Variants in UBR1 observed in about 807,000 individuals in gnomAD.
UBR1 encodes E3 ubiquitin-protein ligase UBR1.
UBR1 carries 102 observed loss-of-function variants against 242.1 expected under a neutral mutation model. The observed-to-expected ratio is 0.42, with a 90% CI of 0.36 to 0.50. The LOEUF is 0.50. Among genes scored for constraint, UBR1 ranks in the 20% least tolerant of loss-of-function variants. The pLI is 0.01. For synonymous variants in UBR1, 675 were observed against 684.8 expected (o/e 0.99, Z 0.22); for missense variants, 1,772 against 2,101.8 (o/e 0.84, Z 3.07).
chr15:43,022,922 G>A (rs781252372), intron 25 of UBR1, 121 bp from the exon 26 acceptor site: 3 of 598,656 alleles, frequency 5.0e-6, no homozygotes, highest in Non-Finnish European at 8.7e-6. Context: ...GAGTGCAGTG[G>A]GGCAATCCTA....
chr15:43,021,374 T>A lies in UBR1; in HGVS notation c.2841A>T (p.Arg947Ser), dbSNP rs767831257. The change falls in exon 27 of 47, where the codon AGA (arginine) becomes AGT (serine). Residue 947 changes from arginine to serine, a missense_variant and splice_region_variant. Around this residue, in one of 3 missense-constraint regions of UBR1, gnomAD observed 965 missense variants for 1,079.7 expected, o/e 0.89. Coordinates refer to ENST00000290650, the MANE Select transcript of UBR1 (RefSeq NM_174916.3). ...GTATATTCATGGCTGAACTTCCCAATCCTTTTTTAAAACACAAAATCACAC... is the reference window on the plus strand; with the variant it reads ...GTATATTCATGGCTGAACTTCCCAAACCTTTTTTAAAACACAAAATCACAC... ...VTFDFYHKAS[R>S]LGSSAMNIQM... 5 of 1,613,400 alleles carry A rather than the reference T, an allele frequency of 3.1e-6. No individual in the cohort carries two copies. Among genetic ancestry groups the A allele is most frequent in the Non-Finnish European group, 4.2e-6 (5 of 1,179,518 alleles).
chr15:42,986,666 T>G (rs2032464178), intron 35 of UBR1, among the ~76,000 whole-genome samples: 1 of 152,242 alleles, frequency 6.6e-6, no homozygotes. Context: ...TATAAACTGA[T>G]GTATTATCCT....
Position 43,007,245 on chromosome 15 carries a change from A to G in UBR1, c.3249T>C (p.Gly1083=). 1.2e-6 allele frequency: 2 copies of G among 1,614,120 alleles called. No individual in the cohort carries two copies. The highest frequency in any genetic ancestry group is 1.7e-6 in the Non-Finnish European group (2 of 1,180,016). Residue 1083 remains glycine, a synonymous_variant, in exon 30 of 47, where the codon GGT becomes GGC. Transcript: ENST00000290650. ...CAGTAACAGATGGACCCCGTTTAGGACCCAAAGCAATTCTAGAGTAGTCAC... is the reference window on the plus strand; with the variant it reads ...CAGTAACAGATGGACCCCGTTTAGGGCCCAAAGCAATTCTAGAGTAGTCAC... ...AVSDYSRIAL[G]PKRGPSVTEK... is the part of the protein sequence containing the mutation.
rs2033126645 is a variant in UBR1 at position 43,022,736 on chromosome 15, T to C, written c.2805A>G (p.Glu935=). The C allele has an allele frequency of 4.3e-6, 7 of 1,612,496 alleles. No homozygotes were observed. The highest frequency in any genetic ancestry group is 5.9e-6 in the Non-Finnish European group (7 of 1,179,074). ...TATGATAAAAGTCAAATGTTACTTC[T>C]TCTTCAGGAGCTTTTTGAAGCTGTT... The part of the protein sequence containing the change: ...EKQQLQKAPE[E]EVTFDFYHKA... The change falls in exon 26 of 47, where the codon GAA becomes GAG. Residue 935 remains glutamate (E), a synonymous_variant. Coordinates refer to ENST00000290650, the MANE Select transcript of UBR1 (RefSeq NM_174916.3).
intron 44 of UBR1, among the ~76,000 whole-genome samples, chr15:42,954,519 G>A (rs1454822369): frequency 1.3e-5 from 2 of 152,042 alleles, no homozygotes; most frequent in African/African-American, 4.8e-5. Flanking sequence ...GAGTCATTCC[G>A]CAGGGCAGTG....
At position 43,105,961 on chromosome 15, in the gene UBR1, G is replaced by C; in HGVS notation, c.62C>G (p.Thr21Ser). The change falls in exon 1 of 47, where the codon ACC (threonine) becomes AGC (serine). Residue 21 changes from threonine to serine, a missense_variant. Coordinates refer to ENST00000290650, the MANE Select transcript of UBR1 (RefSeq NM_174916.3). ...RMEISAELPQ[T>S]PQRLASWWDQ... ...ACTTACAGATGCCAGACGCTGAGGG[G>C]TCTGGGGTAACTCCGCGCTGATTTC... 1 of 1,614,064 alleles carries C rather than the reference G, an allele frequency of 6.2e-7. No homozygotes were observed. Among genetic ancestry groups the C allele is most frequent in the Non-Finnish European group, 8.5e-7 (1 of 1,180,018 alleles).
rs2034032946 is a variant in UBR1 at position 43,086,132 on chromosome 15, C to T, written c.190G>A (p.Glu64Lys). 1.9e-6 allele frequency: 3 copies of T among 1,613,870 alleles called. No homozygotes were observed. Among genetic ancestry groups the T allele is most frequent in the Non-Finnish European group, 2.5e-6 (3 of 1,180,000 alleles). ...GTGAATATTGACATTTGTACACTTT[C>T]CTCCTGCTTTTCCAAGTCTGGGTCC... ...EMDPDLEKQE[E>K]SVQMSIFTPL... is the part of the protein sequence containing the mutation. Residue 64 changes from glutamate to lysine, a missense_variant, in exon 2 of 47, where the codon GAA becomes AAA. This residue lies in a region of UBR1 where 734 missense variants were observed against 893.3 expected (regional missense o/e 0.82). Transcript: ENST00000290650.
chr15:43,047,112 T>A, intron 14 of UBR1, 49 bp downstream of exon 14: 1 of 1,606,716 alleles, frequency 6.2e-7, no homozygotes, highest in East Asian at 2.2e-5. Context: ...CTATTAATAA[T>A]TACTAAGAAC....
At chr15:42,995,747 G>A (rs2032628390) in intron 33 of UBR1, among the ~76,000 whole-genome samples, 1 of 152,076 alleles carries the variant, frequency 6.6e-6, no homozygotes, top group Admixed American at 6.6e-5. Flanking sequence ...GCAAATATAA[G>A]TTCTTTTGTT....
Position 42,945,166 on chromosome 15 carries a change from G to T in UBR1, c.*163C>A. ...CCTGTGAAGCATATGTTTGCTAATTGAAAGCAATACTCCATTAAGAAATAT... is the reference window on the plus strand; with the variant it reads ...CCTGTGAAGCATATGTTTGCTAATTTAAAGCAATACTCCATTAAGAAATAT... On this transcript the variant is annotated 3_prime_UTR_variant, in exon 47 of 47. Coordinates refer to ENST00000290650, the MANE Select transcript of UBR1 (RefSeq NM_174916.3). 1 of 903,536 alleles carries T rather than the reference G, an allele frequency of 1.1e-6. No homozygotes were observed. Among genetic ancestry groups the T allele is most frequent in the Non-Finnish European group, 1.7e-6 (1 of 584,860 alleles). 56.0% of individuals were successfully genotyped at this position (903,536 alleles called of 1,614,324 possible).
At chr15:43,054,345 T>C (rs2033591180) in intron 12 of UBR1, among the ~76,000 whole-genome samples, 1 of 151,372 alleles carries the variant, frequency 6.6e-6, no homozygotes, top group Non-Finnish European at 1.5e-5. Context: ...AGCGAGACCC[T>C]GTCTCAAAAA....
chr15:43,003,156 C>G (rs2032752575), intron 31 of UBR1: 2 of 182,540 alleles, frequency 1.1e-5, no homozygotes, highest in Non-Finnish European at 2.3e-5. Flanking sequence ...AACTTCTTGT[C>G]CTATTCATCC....
intron 21 of UBR1, among the ~76,000 whole-genome samples, chr15:43,029,156 T>C (rs528702759): frequency 6.7e-6 from 1 of 149,656 alleles, no homozygotes; most frequent in African/African-American, 2.6e-5. Context: ...TTCTACCTCT[T>C]TGGAAAGCCT....
At chr15:42,964,825 C>T (rs1436300462) in intron 41 of UBR1, among the ~76,000 whole-genome samples, 1 of 152,210 alleles carries the variant, frequency 6.6e-6, no homozygotes, top group African/African-American at 2.4e-5. Flanking sequence ...TCAACCCCCT[C>T]TATGTAGCTG....
intron 29 of UBR1, among the ~76,000 whole-genome samples, chr15:43,012,405 G>T (rs572720034): frequency 6.6e-6 from 1 of 152,268 alleles, no homozygotes; most frequent in South Asian, 2.1e-4. Flanking sequence ...TGCATAGAAA[G>T]AGGTCTAAGA....
At chr15:43,059,588 C>CAAAAAA in intron 8 of UBR1, 114 bp downstream of exon 8, 1 of 1,012,268 alleles carries the variant, frequency 9.9e-7, no homozygotes, top group South Asian at 1.7e-5. Context: ...GTGTATAAAC[C>CAAAAAA]AAAAAAAAAA....
chr15:43,072,977 C>T (rs1006277688), intron 4 of UBR1, among the ~76,000 whole-genome samples: 7 of 151,960 alleles, frequency 4.6e-5, no homozygotes, highest in East Asian at 1.9e-4. Context: ...GCCTGGCCAA[C>T]GTGATGAAAC....
In UBR1 at chr15:43,015,791, G is replaced by C; in HGVS notation, c.3106C>G (p.Gln1036Glu). The change falls in exon 29 of 47, where the codon CAG (glutamine) becomes GAG (glutamate). Residue 1036 changes from glutamine (Q) to glutamate (E), a missense_variant. By Grantham distance (29) the Gln-to-Glu change is conservative (BLOSUM62 2). Coordinates refer to ENST00000290650, the MANE Select transcript of UBR1 (RefSeq NM_174916.3). ...AAGTTTTTCTGTAAGGCAGACATCT[G>C]AGCCATGATCTTCTGGCGATGTAGC... is the stretch of plus-strand genomic sequence containing the variant. Reference protein sequence around the residue: ...ARLHRQKIMAQMSALQKNFIE... With the variant: ...ARLHRQKIMAEMSALQKNFIE... 6.2e-7 allele frequency: 1 copy of C among 1,614,164 alleles called. No individual in the cohort carries two copies. The highest frequency in any genetic ancestry group is 1.3e-5 in the African/African-American group (1 of 75,054).
intron 31 of UBR1, 27 bp from the exon 32 acceptor site, chr15:43,002,731 A>G: frequency 6.2e-7 from 1 of 1,614,018 alleles, no homozygotes; most frequent in Non-Finnish European, 8.5e-7. Flanking sequence ...ACACAGGCCC[A>G]TTCAGAACTA....
Sources: gnomAD v4.1 joint callset for allele counts (sites outside exome capture counted in the v4.1 genomes callset) on GRCh38, gnomAD v4.1.1 for gene constraint, gnomAD v4.1.1 regional missense constraint, MANE v1.5 for transcripts, NCBI Gene and HGNC (gene_info 2026-07-23, HGNC 2026-07-21) for gene names.